Variants in DPP10 observed in about 807,000 individuals in gnomAD.
DPP10 encodes the protein inactive dipeptidyl peptidase 10.
DPP10 carries 33 observed loss-of-function variants against 120.9 expected under a neutral mutation model. The ratio of observed to expected loss-of-function variants is 0.27; its 90% CI spans 0.21 to 0.37. DPP10 has a LOEUF of 0.37. Among genes scored for constraint, DPP10 ranks in the 10% least tolerant of loss-of-function variants. The pLI, the probability that DPP10 is intolerant of heterozygous loss-of-function variation, is 1.00. For synonymous variants in DPP10, 337 were observed against 326.1 expected, an observed-to-expected ratio of 1.03 and a Z score of -0.36; for missense variants, 816 against 942.8, an observed-to-expected ratio of 0.87 and a Z score of 1.76.
intron 1 of DPP10, among the ~76,000 whole-genome samples, chr2:114,811,669 C>T (rs1156940704): frequency 6.6e-6 from 1 of 152,034 alleles, no homozygotes; most frequent in African/African-American, 2.4e-5. Context: ...CACCCCACCA[C>T]CATCACCCCT....
chr2:114,490,240 TG>T (rs766235682), intron 1 of DPP10, among the ~76,000 whole-genome samples: 3 of 137,964 alleles, frequency 2.2e-5, no homozygotes, highest in Non-Finnish European at 5.0e-5. Flanking sequence ...TCCCCACATT[TG>T]TTCCCCTCTT....
intron 1 of DPP10, among the ~76,000 whole-genome samples, chr2:114,562,290 G>A (rs1688825450): frequency 6.6e-6 from 1 of 152,160 alleles, no homozygotes; most frequent in Non-Finnish European, 1.5e-5. Flanking sequence ...TCATTTGAAT[G>A]TCTCTCTTCA....
chr2:114,936,377 A>G (rs919522265), intron 1 of DPP10, among the ~76,000 whole-genome samples: 1 of 151,764 alleles, frequency 6.6e-6, no homozygotes, highest in Non-Finnish European at 1.5e-5. Flanking sequence ...GTGTGTGTAT[A>G]TATATACACA....
chr2:115,612,805 TAGAG>T (rs551195843), intron 5 of DPP10, among the ~76,000 whole-genome samples: 54 of 152,146 alleles, frequency 3.5e-4, no homozygotes, highest in Middle Eastern at 3.4e-3. Flanking sequence ...AATTATGAAA[TAGAG>T]AGAGTGGTAT....
intron 1 of DPP10, among the ~76,000 whole-genome samples, chr2:114,462,473 T>C (rs1326161814): frequency 6.6e-6 from 1 of 152,226 alleles, no homozygotes; most frequent in Non-Finnish European, 1.5e-5. Flanking sequence ...TTTTGAGAAG[T>C]ACTGGTCCCT....
intron 1 of DPP10, among the ~76,000 whole-genome samples, chr2:115,223,774 G>T (rs184081946): frequency 6.6e-6 from 1 of 152,188 alleles, no homozygotes; most frequent in South Asian, 2.1e-4. Flanking sequence ...GAATCTTTTC[G>T]AAGAAAATGA....
intron 1 of DPP10, among the ~76,000 whole-genome samples, chr2:114,864,523 T>C (rs1387902896): frequency 2.6e-5 from 4 of 152,212 alleles, no homozygotes; most frequent in African/African-American, 9.7e-5. Flanking sequence ...CACATCACCA[T>C]GAAACATTCC....
intron 1 of DPP10, among the ~76,000 whole-genome samples, chr2:114,529,319 G>T (rs1685763692): frequency 6.6e-6 from 1 of 152,086 alleles, no homozygotes; most frequent in African/African-American, 2.4e-5. Flanking sequence ...CCATACTCAT[G>T]TTGCCCACTT....
intron 1 of DPP10, among the ~76,000 whole-genome samples, chr2:114,500,123 C>A (rs1683029974): frequency 6.6e-6 from 1 of 152,184 alleles, no homozygotes; most frequent in African/African-American, 2.4e-5. Flanking sequence ...CTGCACAATG[C>A]AGAGAGATCC....
At position 114,688,700 on chromosome 2, in the gene DPP10, AGTGCGCAT is replaced by A. The variant is rs530813579; in HGVS notation, c.60+245866_60+245873del. Among the ~76,000 whole-genome samples, 489 of 152,092 alleles carry A rather than the reference AGTGCGCAT, an allele frequency of 3.2e-3. 7 individuals carry two copies. Among genetic ancestry groups the A allele is most frequent in the Middle Eastern group, 0.014 (4 of 294 alleles). ...GAATCCACAGTCTAAGTGACTGACA[AGTGCGCAT>A]GTGAGGACAAACCATGATAGAGATG... On this transcript the variant is annotated intron_variant, in intron 1 of 25. Transcript: ENST00000410059.
At chr2:114,681,419 T>G (rs1319678395) in intron 1 of DPP10, among the ~76,000 whole-genome samples, 3 of 152,002 alleles carry the variant, frequency 2.0e-5, no homozygotes, top group African/African-American at 7.2e-5. Context: ...TTCTTGATAT[T>G]TTCTACTCTT....
chr2:114,808,939 C>T (rs747225357), intron 1 of DPP10, among the ~76,000 whole-genome samples: 14 of 152,000 alleles, frequency 9.2e-5, no homozygotes, highest in East Asian at 1.9e-4. Context: ...TTTTTATATG[C>T]TTGTTTATTT....
intron 1 of DPP10, among the ~76,000 whole-genome samples, chr2:114,650,618 A>G (rs2105481807): frequency 6.6e-6 from 1 of 152,326 alleles, no homozygotes; most frequent in African/African-American, 2.4e-5. Context: ...AGAGAAAAGG[A>G]ATTAGAAAGA....
intron 1 of DPP10, among the ~76,000 whole-genome samples, chr2:115,187,339 G>A (rs1354997759): frequency 6.6e-6 from 1 of 151,982 alleles, no homozygotes; most frequent in African/African-American, 2.4e-5. Context: ...CCCGGCCGGT[G>A]CAAAGATTCT....
intron 3 of DPP10, among the ~76,000 whole-genome samples, chr2:115,409,233 A>G (rs2068754025): frequency 2.0e-5 from 3 of 152,194 alleles, no homozygotes; most frequent in Admixed American, 6.5e-5. Context: ...TGAAATGGAT[A>G]AATTTGTGAA....
intron 1 of DPP10, among the ~76,000 whole-genome samples, chr2:114,920,291 C>G (rs1695108168): frequency 6.6e-6 from 1 of 152,162 alleles, no homozygotes. Context: ...GGGCTGCTAA[C>G]CAGAACACAT....
intron 1 of DPP10, among the ~76,000 whole-genome samples, chr2:115,119,124 C>T (rs2049692171): frequency 6.6e-6 from 1 of 152,056 alleles, no homozygotes; most frequent in South Asian, 2.1e-4. Flanking sequence ...GCAGGCTGTC[C>T]ACATGCACAG....
chr2:114,984,679 C>T (rs745929228), intron 1 of DPP10, among the ~76,000 whole-genome samples: 1 of 152,158 alleles, frequency 6.6e-6, no homozygotes, highest in Admixed American at 6.5e-5. Flanking sequence ...AGTGAAGGAA[C>T]CCATCAGGCA....
At chr2:115,427,792 CT>C (rs1347916267) in intron 3 of DPP10, among the ~76,000 whole-genome samples, 1 of 152,188 alleles carries the variant, frequency 6.6e-6, no homozygotes, top group African/African-American at 2.4e-5. Context: ...AATTCTTCTC[CT>C]AAAAATGGGC....
Sources: allele counts gnomAD v4.1 joint callset (sites outside exome capture counted in the v4.1 genomes callset), GRCh38; gene constraint gnomAD v4.1.1; transcripts MANE v1.5; gene names NCBI Gene and HGNC (gene_info 2026-07-23, HGNC 2026-07-21).